The following ZNF638 variants were observed in gnomAD, a reference collection of about 807,000 sequenced individuals.
ZNF638 encodes zinc finger protein 638, also known as CTCL tumor antigen se33-1.
Under a neutral mutation model 195.6 loss-of-function variants are expected in ZNF638, and 46 were observed. The ratio of observed to expected loss-of-function variants is 0.24; its 90% CI spans 0.19 to 0.30. The LOEUF is 0.30. ZNF638 is among the 10% of genes least tolerant of loss of function. The pLI is 1.00. For missense variants in ZNF638, 2,440 were observed against 2,325.3 expected, an observed-to-expected ratio of 1.05 and a Z score of -1.01; for synonymous variants, 845 against 772.0, an observed-to-expected ratio of 1.09 and a Z score of -1.57.
rs1319061250 is a variant in ZNF638, at chr2:71,350,018, C to T, written c.1064C>T (p.Pro355Leu). 9.9e-6 allele frequency: 16 copies of T among 1,614,072 alleles called. No individual in the cohort carries two copies. The highest frequency in any genetic ancestry group is 1.4e-5 in the Non-Finnish European group (16 of 1,180,048). ...CAGCAAGAGCGGATCCCACATGAAC[C>T]TGTGATTAATTCATCTAACGTACAT... ...VSQQERIPHE[P>L]VINSSNVHVG... is the part of the protein sequence containing the mutation. Residue 355 changes from proline (P) to leucine (L), a missense_variant, in exon 2 of 28, where the codon CCT (proline) becomes CTT (leucine). Coordinates refer to ENST00000264447, the MANE Select transcript of ZNF638 (RefSeq NM_014497.5).
At chr2:71,393,518 A>T (rs760041579) in intron 10 of ZNF638, 2 of 717,858 alleles carry the variant, frequency 2.8e-6, no homozygotes, top group Non-Finnish European at 5.2e-6. Context: ...CAGCTTCCTC[A>T]GACGACACAA....
At chr2:71,359,410 G>A (rs1301111731) in intron 3 of ZNF638, among the ~76,000 whole-genome samples, 1 of 152,228 alleles carries the variant, frequency 6.6e-6, no homozygotes, top group Non-Finnish European at 1.5e-5. Flanking sequence ...TCTGAGGGAA[G>A]GAGGGGTGGA....
rs1043499141 is a variant in ZNF638, at chr2:71,434,721, A to G, written c.5872-21A>G. On this transcript the variant is annotated intron_variant, in intron 27 of 27. Coordinates refer to ENST00000264447, the MANE Select transcript of ZNF638 (RefSeq NM_014497.5). ...AAATAACGTCTAATAAGTATTTTAT[A>G]TTGCAAATTGCTTTTAACAGAAATT... is the stretch of plus-strand genomic sequence containing the variant. 5.7e-6 allele frequency: 9 copies of G among 1,588,384 alleles called. 1 individual carries two copies. In the East Asian group the frequency reaches 1.1e-4, roughly 20 times the overall value.
chr2:71,378,990 C>T (rs2079486197), intron 8 of ZNF638, among the ~76,000 whole-genome samples: 1 of 152,138 alleles, frequency 6.6e-6, no homozygotes, highest in Admixed American at 6.5e-5. Context: ...TTGTTAAGTA[C>T]TGGCTTTTTT....
intron 21 of ZNF638, among the ~76,000 whole-genome samples, chr2:71,422,123 TATAGCCAAAGG>T (rs1274290044): frequency 1.3e-5 from 2 of 152,318 alleles, no homozygotes; most frequent in Non-Finnish European, 2.9e-5. Context: ...CATTTCTTCT[TATAGCCAAAGG>T]CAAATATTTA....
chr2:71,393,048 TCAA>T (rs2079815971), intron 10 of ZNF638, among the ~76,000 whole-genome samples: 1 of 152,202 alleles, frequency 6.6e-6, no homozygotes, highest in African/African-American at 2.4e-5. Flanking sequence ...GCTCACATAT[TCAA>T]CAATTTTGTC....
At chr2:71,378,655 TA>T (rs981691257) in intron 8 of ZNF638, among the ~76,000 whole-genome samples, 4 of 151,514 alleles carry the variant, frequency 2.6e-5, no homozygotes, top group South Asian at 2.1e-4. Flanking sequence ...AGTGCTATGG[TA>T]AAAAAAAATT....
At chr2:71,378,113 G>A (rs536382405) in intron 8 of ZNF638, among the ~76,000 whole-genome samples, 10 of 152,276 alleles carry the variant, frequency 6.6e-5, no homozygotes, top group Admixed American at 2.6e-4. Context: ...GGTGAACAAT[G>A]AAACCAGTTA....
chr2:71,382,258 T>C (rs1369380706), intron 10 of ZNF638, among the ~76,000 whole-genome samples: 4 of 152,170 alleles, frequency 2.6e-5, no homozygotes, highest in Non-Finnish European at 5.9e-5. Flanking sequence ...GCTAGAGATA[T>C]TCTTTAGTCA....
intron 16 of ZNF638, among the ~76,000 whole-genome samples, chr2:71,403,139 A>C (rs993766377): frequency 9.2e-5 from 14 of 152,192 alleles, no homozygotes; most frequent in Non-Finnish European, 2.1e-4. Context: ...TTATGAAATT[A>C]AAATTAACAT....
intron 10 of ZNF638, among the ~76,000 whole-genome samples, chr2:71,390,598 A>C (rs1210646116): frequency 1.3e-5 from 2 of 152,182 alleles, no homozygotes; most frequent in African/African-American, 2.4e-5. Flanking sequence ...ATGCCCAGGG[A>C]AAGAGGAAGG....
intron 1 of ZNF638, among the ~76,000 whole-genome samples, chr2:71,347,447 TAGAGA>T (rs1397298254): frequency 6.6e-6 from 1 of 152,166 alleles, no homozygotes; most frequent in Non-Finnish European, 1.5e-5. Context: ...TATATATAAA[TAGAGA>T]AAAGTGTATA....
At chr2:71,358,399 C>T (rs776048098) in intron 3 of ZNF638, among the ~76,000 whole-genome samples, 10 of 152,174 alleles carry the variant, frequency 6.6e-5, no homozygotes, top group Admixed American at 1.3e-4. Context: ...AAATCGCTCT[C>T]TCGTCTGGGC....
intron 2 of ZNF638, 117 bp from the exon 3 acceptor site, chr2:71,355,602 T>C: frequency 1.4e-6 from 1 of 739,456 alleles, no homozygotes; most frequent in Non-Finnish European, 2.2e-6. Flanking sequence ...CAAATGCTAT[T>C]TATGAGTACG....
chr2:71,382,895 C>CA (rs1409196006), intron 10 of ZNF638, among the ~76,000 whole-genome samples: 1 of 152,142 alleles, frequency 6.6e-6, no homozygotes, highest in African/African-American at 2.4e-5. Flanking sequence ...GACCTACTAA[C>CA]ATAATCTGTA....
intron 10 of ZNF638, among the ~76,000 whole-genome samples, chr2:71,384,761 C>T (rs2079604465): frequency 6.6e-6 from 1 of 151,872 alleles, no homozygotes; most frequent in Non-Finnish European, 1.5e-5. Context: ...CTTTTCAGTT[C>T]CCAGCTGAAA....
At chr2:71,357,725 G>A (rs1431616376) in intron 3 of ZNF638, among the ~76,000 whole-genome samples, 1 of 151,954 alleles carries the variant, frequency 6.6e-6, no homozygotes, top group Non-Finnish European at 1.5e-5. Flanking sequence ...TTCCATGCCT[G>A]CTACTTTAAT....
intron 20 of ZNF638, among the ~76,000 whole-genome samples, chr2:71,417,645 C>G (rs1015436355): frequency 6.7e-6 from 1 of 150,368 alleles, no homozygotes; most frequent in Non-Finnish European, 1.5e-5. Flanking sequence ...TAGAGTTCCT[C>G]TGATACCATG....
Position 71,403,341 on chromosome 2 carries a change from G to A in ZNF638, c.2830-529G>A, listed in dbSNP as rs374925665. On this transcript the variant is annotated intron_variant, in intron 16 of 27. Coordinates refer to ENST00000264447, the MANE Select transcript of ZNF638 (RefSeq NM_014497.5). ...ATTAACTATCAAATATATGGAAGAA[G>A]TTTCAACCTCTTTACTTACCAAGGT... is the stretch of plus-strand genomic sequence containing the variant. Among the ~76,000 whole-genome samples the A allele has an allele frequency of 4.0e-4, 61 of 152,136 alleles. No individual in the cohort carries two copies. The South Asian group carries it at 0.012, about 30-fold the overall frequency.
Sources: allele counts gnomAD v4.1 joint callset (sites outside exome capture counted in the v4.1 genomes callset), GRCh38; gene constraint gnomAD v4.1.1; transcripts MANE v1.5; gene names NCBI Gene and HGNC (gene_info 2026-07-23, HGNC 2026-07-21).